The following PEX5L variants were observed in gnomAD, a reference collection of about 807,000 sequenced individuals.
PEX5L encodes the protein peroxisomal biogenesis factor 5 like.
A neutral mutation model predicts 84.0 loss-of-function variants in PEX5L; 30 were observed. The ratio of observed to expected loss-of-function variants is 0.36; its 90% confidence interval spans 0.27 to 0.48. PEX5L has a LOEUF of 0.48. Ranked by LOEUF, PEX5L falls within the 20% of genes least tolerant of loss-of-function variation. PEX5L has a pLI of 0.99. For missense variants in PEX5L, 533 were observed against 754.6 expected (o/e 0.71, Z 3.44); for synonymous variants, 270 against 283.1 (o/e 0.95, Z 0.46).
chr3:179,971,049 G>A (rs906387507), intron 2 of PEX5L, among the ~76,000 whole-genome samples: 1 of 152,056 alleles, frequency 6.6e-6, no homozygotes, highest in Non-Finnish European at 1.5e-5. Context: ...CAAGCTAGTG[G>A]TTTCTCAAAT....
chr3:179,827,557 AAATATTGTTGTTTTAAGCC>A (rs1484936006), intron 8 of PEX5L, among the ~76,000 whole-genome samples: 1 of 152,146 alleles, frequency 6.6e-6, no homozygotes, highest in East Asian at 1.9e-4. Context: ...TGGGCAAAAC[AAATATTGTTGTTTTAAGCC>A]ACAGGTGTTG....
chr3:179,858,259 G>A (rs1048330951), intron 8 of PEX5L, among the ~76,000 whole-genome samples: 3 of 152,002 alleles, frequency 2.0e-5, no homozygotes, highest in Admixed American at 6.6e-5. Context: ...TAAGTTCAGT[G>A]AAAAGCTCCA....
chr3:179,978,161 C>T (rs1785991562), intron 1 of PEX5L, among the ~76,000 whole-genome samples: 1 of 152,124 alleles, frequency 6.6e-6, no homozygotes, highest in African/African-American at 2.4e-5. Context: ...AATAAGATGG[C>T]AGGGAATCAC....
At chr3:179,924,820 G>T (rs1475202017) in intron 2 of PEX5L, among the ~76,000 whole-genome samples, 1 of 152,134 alleles carries the variant, frequency 6.6e-6, no homozygotes, top group African/African-American at 2.4e-5. Context: ...ATATTTTAGG[G>T]TATAGAGCAG....
intron 2 of PEX5L, among the ~76,000 whole-genome samples, chr3:179,934,609 T>C (rs1414060046): frequency 1.3e-5 from 2 of 152,222 alleles, no homozygotes; most frequent in Non-Finnish European, 2.9e-5. Flanking sequence ...TCAAAGTCTA[T>C]ACTCTCTCCA....
chr3:179,807,694 G>A lies in PEX5L; in HGVS notation c.1656C>T (p.Cys552=), dbSNP rs747438790. 1.2e-6 allele frequency: 2 copies of A among 1,614,124 alleles called. No individual in the cohort carries two copies. The highest frequency in any genetic ancestry group is 1.1e-5 in the South Asian group (1 of 91,074). Reference sequence around the variant, plus strand: ...TTCACCTGTAGGCGCCCAGGTTGATGCAGCTTATTCCTAGGTTGTATCTGG... The same window carrying A: ...TTCACCTGTAGGCGCCCAGGTTGATACAGCTTATTCCTAGGTTGTATCTGG... ...IRSRYNLGIS[C]INLGAYREAV... The change falls in exon 14 of 15, where the codon TGC becomes TGT. Residue 552 remains cysteine (C), a synonymous_variant. Coordinates refer to ENST00000467460, the MANE Select transcript of PEX5L (RefSeq NM_016559.3).
At chr3:179,939,711 A>G (rs1448927236) in intron 2 of PEX5L, among the ~76,000 whole-genome samples, 1 of 152,180 alleles carries the variant, frequency 6.6e-6, no homozygotes, top group African/African-American at 2.4e-5. Context: ...TGCCTCAATT[A>G]GCATGTTCAT....
chr3:180,009,326 C>T (rs1440046759), intron 1 of PEX5L, among the ~76,000 whole-genome samples: 1 of 152,074 alleles, frequency 6.6e-6, no homozygotes, highest in Non-Finnish European at 1.5e-5. Context: ...TCATAAGGCA[C>T]AATAGAGTAA....
Position 179,900,631 on chromosome 3 carries a change from T to C in PEX5L, c.94-2385A>G, listed in dbSNP as rs143449936. 3.2e-3 allele frequency: 4,432 copies of C among 1,368,570 alleles called. 226 individuals carry two copies. The Admixed American group carries it at 0.081, about 25-fold the overall frequency. 84.8% of individuals were successfully genotyped at this position (1,368,570 alleles called of 1,614,324 possible). On this transcript the variant is annotated intron_variant, in intron 2 of 14. Transcript: ENST00000467460. ...TCAGCTAGAAAGGATGTACAATAAA[T>C]ACATGCGGTGCTTTTTATTTCTTGC... is the stretch of plus-strand genomic sequence containing the variant.
At chr3:179,991,127 C>T (rs1313712883) in intron 1 of PEX5L, among the ~76,000 whole-genome samples, 2 of 152,198 alleles carry the variant, frequency 1.3e-5, no homozygotes, top group Non-Finnish European at 2.9e-5. Flanking sequence ...CAGCCTGCTT[C>T]CTCACCTCCA....
chr3:179,836,213 A>G (rs1213455930), intron 8 of PEX5L, among the ~76,000 whole-genome samples: 1 of 152,166 alleles, frequency 6.6e-6, no homozygotes, highest in Non-Finnish European at 1.5e-5. Context: ...AGGAGTTAAA[A>G]TGCCTACTTC....
Position 179,795,706 on chromosome 3 carries a change from A to C in PEX5L, c.*6122T>G, listed in dbSNP as rs1226225479. 6.6e-6 allele frequency: 1 copy of C among 152,208 alleles called. No individual in the cohort carries two copies. Among genetic ancestry groups the C allele is most frequent in the Non-Finnish European group, 1.5e-5 (1 of 68,040 alleles). The allele number at this position is 152,208 out of a possible 1,614,324, so 9.4% of individuals were successfully genotyped here. On this transcript the variant is annotated 3_prime_UTR_variant, in exon 15 of 15. Transcript: ENST00000467460. ...CCTGAAAATGAAATCCCAAGACTTTAAACATTTATGAGCATGAGGAGGAAG... is the reference window on the plus strand; with the variant it reads ...CCTGAAAATGAAATCCCAAGACTTTCAACATTTATGAGCATGAGGAGGAAG...
chr3:179,898,572 C>T lies in PEX5L; in HGVS notation c.94-326G>A, dbSNP rs550817748. ...ATCAATTTAAAAACACTATGGGTTGCCTGCTACGTTCATTTATAAATTATT... is the reference window on the plus strand; with the variant it reads ...ATCAATTTAAAAACACTATGGGTTGTCTGCTACGTTCATTTATAAATTATT... On this transcript the variant is annotated intron_variant, in intron 2 of 14. Transcript: ENST00000467460. Among the ~76,000 whole-genome samples the T allele has an allele frequency of 3.2e-4, 49 of 152,082 alleles. No individual in the cohort carries two copies. The South Asian group carries it at 9.8e-3, about 30-fold the overall frequency.
chr3:179,954,201 A>AAT (rs1338448511), intron 2 of PEX5L, among the ~76,000 whole-genome samples: 2,875 of 57,252 alleles, frequency 0.05, 163 homozygotes, highest in African/African-American at 0.17. Context: ...ATTAACCATT[A>AAT]GTCGGGGGGG....
intron 7 of PEX5L, among the ~76,000 whole-genome samples, chr3:179,869,152 C>T (rs1749401176): frequency 6.6e-6 from 1 of 152,170 alleles, no homozygotes; most frequent in Admixed American, 6.5e-5. Context: ...GAGCTGGCTG[C>T]TGCACATCCC....
At chr3:179,903,710 C>T (rs1762206637) in intron 2 of PEX5L, among the ~76,000 whole-genome samples, 1 of 152,182 alleles carries the variant, frequency 6.6e-6, no homozygotes, top group South Asian at 2.1e-4. Flanking sequence ...GTCATGCTCT[C>T]TTCAAACTCC....
In PEX5L at chr3:179,825,957, T is replaced by C. The variant is rs1479949709; in HGVS notation, c.823-5981A>G. ...CTATGTGAATTGTGTGGTTCAGAAG[T>C]ATGGCAAAACAAAAATATTGGTACT... On this transcript the variant is annotated intron_variant, in intron 8 of 14. Transcript: ENST00000467460. Among the ~76,000 whole-genome samples, 7 of 152,194 alleles carry C rather than the reference T, an allele frequency of 4.6e-5. No homozygotes were observed. The East Asian group carries it at 1.3e-3, about 29-fold the overall frequency.
At chr3:179,866,261 T>C (rs1330324247) in intron 7 of PEX5L, among the ~76,000 whole-genome samples, 1 of 152,140 alleles carries the variant, frequency 6.6e-6, no homozygotes, top group Non-Finnish European at 1.5e-5. Context: ...TGCCTATATA[T>C]TATCGCTGGA....
intron 8 of PEX5L, chr3:179,820,269 G>A: frequency 3.2e-6 from 1 of 311,146 alleles, no homozygotes; most frequent in Non-Finnish European, 5.9e-6. Flanking sequence ...TCATGTGTGG[G>A]CACTAGGCTA....
Sources: allele counts gnomAD v4.1 joint callset (sites outside exome capture counted in the v4.1 genomes callset), GRCh38; gene constraint gnomAD v4.1.1; transcripts MANE v1.5; gene names NCBI Gene and HGNC (gene_info 2026-07-23, HGNC 2026-07-21).